FYB1: variants seen among roughly 807,000 people sequenced by gnomAD.
The protein encoded by FYB1 is FYN binding protein 1.
A neutral mutation model predicts 94.1 loss-of-function variants in FYB1; 41 were observed. That is an observed-to-expected ratio of 0.44 (90% CI 0.34 to 0.57). The LOEUF (loss-of-function observed/expected upper bound fraction) is 0.57. FYB1 is among the 20% of genes least tolerant of loss of function. The probability of loss-of-function intolerance (pLI) is 0.02; values close to 1 mark genes in which losing one functional copy is unlikely to be tolerated. For synonymous variants in FYB1, 367 were observed against 353.2 expected (o/e 1.04, Z -0.44); for missense variants, 1,050 against 976.8 (o/e 1.07, Z -1.00).
chr5:39,213,437 C>A (rs1191104495), intron 1 of FYB1, among the ~76,000 whole-genome samples: 2 of 152,184 alleles, frequency 1.3e-5, no homozygotes, highest in Non-Finnish European at 2.9e-5. Context: ...GACCTCCTGT[C>A]CAAGAATCCC....
intron 3 of FYB1, among the ~76,000 whole-genome samples, chr5:39,148,181 A>G (rs1296154935): frequency 1.2e-5 from 1 of 84,310 alleles, no homozygotes; most frequent in Non-Finnish European, 2.2e-5. Context: ...ATATATATAT[A>G]TATATATATA....
At chr5:39,242,011 A>C (rs1277783866) in intron 1 of FYB1, among the ~76,000 whole-genome samples, 1 of 152,102 alleles carries the variant, frequency 6.6e-6, no homozygotes, top group Non-Finnish European at 1.5e-5. Flanking sequence ...AGTCACCTTG[A>C]GAGGTTTCAG....
At chr5:39,148,150 ATTTT>A (rs754604795) in intron 3 of FYB1, among the ~76,000 whole-genome samples, 5 of 61,872 alleles carry the variant, frequency 8.1e-5, no homozygotes, top group Admixed American at 2.1e-4. Flanking sequence ...TATTATATGT[ATTTT>A]TTATATATAT....
intron 6 of FYB1, chr5:39,137,990 T>C (rs1488521128): frequency 6.9e-6 from 3 of 435,586 alleles, no homozygotes; most frequent in African/African-American, 4.1e-5. Flanking sequence ...GCCCCATTCT[T>C]GCTGTATGTT....
At chr5:39,251,418 C>T (rs1751705441) in intron 1 of FYB1, among the ~76,000 whole-genome samples, 1 of 152,078 alleles carries the variant, frequency 6.6e-6, no homozygotes, top group African/African-American at 2.4e-5. Flanking sequence ...AGAGGGGAAT[C>T]ATTTGAACTG....
At chr5:39,203,715 A>T (rs1378373040) in intron 1 of FYB1, among the ~76,000 whole-genome samples, 1 of 152,180 alleles carries the variant, frequency 6.6e-6, no homozygotes, top group Non-Finnish European at 1.5e-5. Context: ...ACAAGGGGGA[A>T]GATAAGGAAG....
intron 1 of FYB1, among the ~76,000 whole-genome samples, chr5:39,253,103 C>T (rs1260714829): frequency 6.6e-6 from 1 of 152,104 alleles, no homozygotes; most frequent in Non-Finnish European, 1.5e-5. Context: ...GAAAAGTACA[C>T]GTTTTACTGC....
intron 1 of FYB1, among the ~76,000 whole-genome samples, chr5:39,265,896 C>T (rs1752418133): frequency 6.6e-6 from 1 of 151,960 alleles, no homozygotes; most frequent in Admixed American, 6.6e-5. Flanking sequence ...TTTGACTACA[C>T]TCCTTTCAGG....
intron 1 of FYB1, among the ~76,000 whole-genome samples, chr5:39,259,129 TG>T (rs1489625244): frequency 6.6e-6 from 1 of 152,160 alleles, no homozygotes; most frequent in Non-Finnish European, 1.5e-5. Context: ...AGTTGTCACA[TG>T]GGAGGGTGTG....
intron 1 of FYB1, among the ~76,000 whole-genome samples, chr5:39,207,007 CT>C (rs1748918937): frequency 6.6e-6 from 1 of 152,110 alleles, no homozygotes; most frequent in African/African-American, 2.4e-5. Context: ...ATTAACCCTA[CT>C]TTTTTCCCTT....
intron 2 of FYB1, among the ~76,000 whole-genome samples, chr5:39,167,449 A>G (rs1744842108): frequency 6.6e-6 from 1 of 152,194 alleles, no homozygotes; most frequent in Non-Finnish European, 1.5e-5. Flanking sequence ...ATCTTTGCAG[A>G]ACTTTTTCTA....
intron 2 of FYB1, among the ~76,000 whole-genome samples, chr5:39,179,761 G>C (rs1043187550): frequency 3.3e-5 from 5 of 152,060 alleles, no homozygotes; most frequent in African/African-American, 1.2e-4. Flanking sequence ...TTACAGGCAT[G>C]AGTGACCACG....
intron 2 of FYB1, among the ~76,000 whole-genome samples, chr5:39,167,895 C>T (rs1159147084): frequency 6.6e-6 from 1 of 152,136 alleles, no homozygotes; most frequent in Non-Finnish European, 1.5e-5. Context: ...TCACTTAATC[C>T]TCCAGGGCAT....
intron 2 of FYB1, among the ~76,000 whole-genome samples, chr5:39,182,286 CATGTGTGTGTGT>C (rs1746317316): frequency 2.0e-5 from 2 of 99,250 alleles, no homozygotes; most frequent in East Asian, 6.8e-4. Context: ...TGTGTGCATG[CATGTGTGTGTGT>C]GTGTGTGTGT....
At chr5:39,205,795 C>T (rs933714165) in intron 1 of FYB1, among the ~76,000 whole-genome samples, 2 of 152,156 alleles carry the variant, frequency 1.3e-5, no homozygotes, top group Admixed American at 6.5e-5. Context: ...TTACTAACCA[C>T]GTGATCTAGC....
At chr5:39,147,226 T>C (rs1206833351) in intron 3 of FYB1, among the ~76,000 whole-genome samples, 1 of 152,190 alleles carries the variant, frequency 6.6e-6, no homozygotes, top group African/African-American at 2.4e-5. Flanking sequence ...TAGTGCTTTA[T>C]TTCCTGATGT....
intron 1 of FYB1, chr5:39,270,520 T>A: frequency 2.6e-6 from 4 of 1,510,746 alleles, no homozygotes; most frequent in Non-Finnish European, 3.6e-6. Context: ...CAGAGAAGAG[T>A]AGCACATTTG....
chr5:39,112,463 A>G (rs1410726578), intron 16 of FYB1, among the ~76,000 whole-genome samples: 1 of 152,090 alleles, frequency 6.6e-6, no homozygotes, highest in African/African-American at 2.4e-5. Context: ...TGGAAGATAA[A>G]TTAGAAAAAT....
At chr5:39,269,180 G>C (rs1752564046) in intron 1 of FYB1, among the ~76,000 whole-genome samples, 1 of 151,986 alleles carries the variant, frequency 6.6e-6, no homozygotes, top group Non-Finnish European at 1.5e-5. Context: ...CTCCCGAGTG[G>C]CTGGGACTAC....
Sources: gnomAD v4.1 joint callset for allele counts (sites outside exome capture counted in the v4.1 genomes callset) on GRCh38, gnomAD v4.1.1 for gene constraint, MANE v1.5 for transcripts, NCBI Gene and HGNC (gene_info 2026-07-23, HGNC 2026-07-21) for gene names.